Variants in NEGR1 observed in about 807,000 individuals in gnomAD.
NEGR1 encodes IgLON family member 4.
In NEGR1, 10 loss-of-function variants were observed where a neutral mutation model predicts 40.9. The ratio of observed to expected loss-of-function variants is 0.24; its 90% CI spans 0.15 to 0.42. NEGR1 has a LOEUF of 0.42. NEGR1 is among the 10% of genes least tolerant of loss of function. The pLI is 1.00. For synonymous variants in NEGR1, 185 were observed against 166.8 expected (o/e 1.11, Z -0.84); for missense variants, 352 against 438.9 (o/e 0.80, Z 1.77).
chr1:71,776,317 A>G lies in NEGR1; in HGVS notation c.410-20T>C. On this transcript the variant is annotated intron_variant, in intron 2 of 6. Transcript: ENST00000357731. ...GAGGAACTGAAATGACAAAATACGC[A>G]GTGATTAGAAAAAAATATATAAAGT... is the stretch of plus-strand genomic sequence containing the variant. The G allele has an allele frequency of 2.7e-6, 4 of 1,487,048 alleles. No homozygotes were observed. Among genetic ancestry groups the G allele is most frequent in the Non-Finnish European group, 3.7e-6 (4 of 1,095,334 alleles). 92.1% of individuals were successfully genotyped at this position (1,487,048 alleles called of 1,614,324 possible).
At chr1:72,264,533 C>G (rs929078523) in intron 1 of NEGR1, among the ~76,000 whole-genome samples, 8 of 114,168 alleles carry the variant, frequency 7.0e-5, no homozygotes, top group Non-Finnish European at 1.2e-4. Flanking sequence ...AAATTAGTCA[C>G]TATAAATGAT....
At chr1:71,459,667 C>G (rs1458950682) in intron 6 of NEGR1, among the ~76,000 whole-genome samples, 2 of 152,214 alleles carry the variant, frequency 1.3e-5, no homozygotes, top group East Asian at 1.9e-4. Flanking sequence ...TGCCCATCCA[C>G]TAACATCCAT....
chr1:71,538,425 T>C (rs1368741943), intron 6 of NEGR1, among the ~76,000 whole-genome samples: 2 of 151,730 alleles, frequency 1.3e-5, no homozygotes, highest in Non-Finnish European at 2.9e-5. Flanking sequence ...AGAGATAACA[T>C]GATTGTGTTA....
rs930154558 is a variant in NEGR1, at chr1:72,147,569, A to G, written c.176+134750T>C. Among the ~76,000 whole-genome samples the G allele has an allele frequency of 2.0e-5, 3 of 152,130 alleles. No individual in the cohort carries two copies. The East Asian group carries it at 5.8e-4, about 29-fold the overall frequency. On this transcript the variant is annotated intron_variant, in intron 1 of 6. Transcript: ENST00000357731. ...TGGCCCCTCCAAATCTCATGTTCTC[A>G]TATTTCAAAACCAATCATGCCTTCC...
intron 6 of NEGR1, among the ~76,000 whole-genome samples, chr1:71,526,036 GAGAAAC>G (rs1027525769): frequency 1.1e-4 from 16 of 151,626 alleles, no homozygotes; most frequent in African/African-American, 2.7e-4. Context: ...ATTGAATAGT[GAGAAAC>G]AGAGATTAGA....
chr1:72,157,413 C>T (rs1651401495), intron 1 of NEGR1, among the ~76,000 whole-genome samples: 1 of 152,022 alleles, frequency 6.6e-6, no homozygotes, highest in Non-Finnish European at 1.5e-5. Flanking sequence ...TTAATTCATC[C>T]CTAATTTCAG....
intron 6 of NEGR1, among the ~76,000 whole-genome samples, chr1:71,538,891 G>C (rs1197786354): frequency 6.6e-6 from 1 of 151,664 alleles, no homozygotes; most frequent in African/African-American, 2.4e-5. Context: ...GGTGATCTTA[G>C]GTGTGTGACT....
At chr1:71,788,595 C>T (rs529851607) in intron 2 of NEGR1, among the ~76,000 whole-genome samples, 7 of 152,078 alleles carry the variant, frequency 4.6e-5, no homozygotes, top group African/African-American at 9.6e-5. Context: ...TTCTCTTTAA[C>T]GCCTTGATTT....
Position 72,152,194 on chromosome 1 carries a change from G to C in NEGR1, c.176+130125C>G, listed in dbSNP as rs1651151733. Among the ~76,000 whole-genome samples the C allele has an allele frequency of 2.0e-5, 3 of 151,524 alleles. No individual in the cohort carries two copies. The South Asian group carries it at 6.2e-4, about 31-fold the overall frequency. On this transcript the variant is annotated intron_variant, in intron 1 of 6. Transcript: ENST00000357731. ...GACCATAATCTAATTAAATTAAAAA[G>C]TAAACAAATGAAAGGAATATTAAAA...
chr1:72,076,890 C>CTTTTTTTTT (rs56943357), intron 1 of NEGR1, among the ~76,000 whole-genome samples: 1 of 101,690 alleles, frequency 9.8e-6, no homozygotes, highest in African/African-American at 4.1e-5. Context: ...CTCATTTATC[C>CTTTTTTTTT]TTTTTTTTTT....
Position 72,096,647 on chromosome 1 carries a change from C to CTTTTATTTTA in NEGR1, c.177-161346_177-161337dup, listed in dbSNP as rs3080211. Among the ~76,000 whole-genome samples, 222 of 149,252 alleles carry CTTTTATTTTA rather than the reference C, an allele frequency of 1.5e-3. 2 individuals are homozygous for CTTTTATTTTA. Among genetic ancestry groups the CTTTTATTTTA allele is most frequent in the African/African-American group, 3.2e-3 (128 of 40,562 alleles). ...GATTTTCTTGTAGTTGTATCTTTTA[C>CTTTTATTTTA]TTTTATTTTATTTTATTTTATTTTA... is the stretch of plus-strand genomic sequence containing the variant. On this transcript the variant is annotated intron_variant, in intron 1 of 6. Transcript: ENST00000357731.
rs4650108 is a variant in NEGR1, at chr1:71,402,375, A to G, written c.*5071T>C. On this transcript the variant is annotated 3_prime_UTR_variant, in exon 7 of 7. Transcript: ENST00000357731. ...TATAGTTGCCACAATTGTCTCTGAA[A>G]TGAAGCATGTTTCTTAGACTGAAGG... 146,176 of 152,282 alleles carry G rather than the reference A, an allele frequency of 0.96. 70,446 individuals are homozygous for G. Among genetic ancestry groups the G allele is most frequent in the East Asian group, 1 (5,170 of 5,170 alleles). The allele number at this position is 152,282 out of a possible 1,614,324, so 9.4% of individuals were successfully genotyped here.
In NEGR1 at chr1:72,146,728, T is replaced by C. The variant is rs1650924522; in HGVS notation, c.176+135591A>G. ...CTGAAAAGAATCAAATTCAGATACA[T>C]TTCAGGTCTTAAGTATGTTGAATAA... On this transcript the variant is annotated intron_variant, in intron 1 of 6. Coordinates refer to ENST00000357731, the MANE Select transcript of NEGR1 (RefSeq NM_173808.3). Among the ~76,000 whole-genome samples the C allele has an allele frequency of 2.0e-5, 3 of 152,338 alleles. No individual in the cohort carries two copies. The South Asian group carries it at 6.2e-4, about 32-fold the overall frequency.
At chr1:71,801,346 C>A (rs114863065) in intron 2 of NEGR1, among the ~76,000 whole-genome samples, 124 of 152,240 alleles carry the variant, frequency 8.1e-4, no homozygotes, top group African/African-American at 2.8e-3. Context: ...GTTTGAAATA[C>A]CAACTAAAAA....
In NEGR1 at chr1:71,715,289, T is replaced by A. The variant is rs116362339; in HGVS notation, c.536-17150A>T. 3.5e-3 allele frequency among the ~76,000 whole-genome samples: 526 copies of A among 152,308 alleles called. 3 individuals carry two copies. The highest frequency in any genetic ancestry group is 0.012 in the African/African-American group (498 of 41,586). On this transcript the variant is annotated intron_variant, in intron 3 of 6. Transcript: ENST00000357731. ...AAATCCTTCTTTTCTCTTAGGCCTC[T>A]GGGCCTGTGATGGGAGGACCTGCCA...
intron 1 of NEGR1, among the ~76,000 whole-genome samples, chr1:72,192,646 C>A (rs1652858418): frequency 6.6e-6 from 1 of 151,722 alleles, no homozygotes; most frequent in Non-Finnish European, 1.5e-5. Flanking sequence ...ACTTAGGTAA[C>A]TGAAATACTA....
chr1:71,662,205 C>G (rs1279485243), intron 4 of NEGR1, among the ~76,000 whole-genome samples: 2 of 152,162 alleles, frequency 1.3e-5, no homozygotes, highest in East Asian at 3.8e-4. Flanking sequence ...CAGTTTTCCT[C>G]ATTAGTAAAT....
intron 2 of NEGR1, among the ~76,000 whole-genome samples, chr1:71,828,673 T>A (rs534928226): frequency 6.6e-6 from 1 of 152,072 alleles, no homozygotes; most frequent in Admixed American, 6.6e-5. Flanking sequence ...TCTTTCCCAG[T>A]AACCTATGCC....
intron 1 of NEGR1, among the ~76,000 whole-genome samples, chr1:72,192,560 T>C (rs928693824): frequency 1.3e-5 from 2 of 151,856 alleles, no homozygotes; most frequent in Non-Finnish European, 2.9e-5. Context: ...AAAATCTAAA[T>C]TACAGTCTAG....
Sources: allele counts gnomAD v4.1 joint callset (sites outside exome capture counted in the v4.1 genomes callset), GRCh38; gene constraint gnomAD v4.1.1; transcripts MANE v1.5; gene names NCBI Gene and HGNC (gene_info 2026-07-23, HGNC 2026-07-21).